SNAPC4: variants seen among roughly 807,000 people sequenced by gnomAD.
SNAPC4 encodes small nuclear RNA activating complex polypeptide 4, also known as snRNA-activating protein complex subunit 4.
Under a neutral mutation model 151.3 loss-of-function variants are expected in SNAPC4, and 127 were observed. That is an observed-to-expected ratio of 0.84 (90% CI 0.73 to 0.97). The LOEUF (loss-of-function observed/expected upper bound fraction) is 0.97. Among genes scored for constraint, SNAPC4 ranks in the 50% least tolerant of loss-of-function variants. The probability of loss-of-function intolerance (pLI) is 0.00; values close to 1 mark genes in which losing one functional copy is unlikely to be tolerated. For missense variants in SNAPC4, 2,186 were observed against 1,935.0 expected, an observed-to-expected ratio of 1.13 and a Z score of -2.43; for synonymous variants, 1,002 against 824.4, an observed-to-expected ratio of 1.22 and a Z score of -3.69.
intron 10 of SNAPC4, 104 bp downstream of exon 10, chr9:136,391,838 G>T: frequency 8.0e-7 from 1 of 1,250,418 alleles, no homozygotes; most frequent in East Asian, 2.4e-5. Flanking sequence ...GAAACCTGGC[G>T]GTGAGTGAGC....
intron 5 of SNAPC4, 98 bp from the exon 6 acceptor site, chr9:136,394,976 C>G: frequency 9.2e-7 from 1 of 1,081,718 alleles, no homozygotes; most frequent in South Asian, 1.5e-5. Flanking sequence ...TCGGGCTCCC[C>G]CTGCCTCCTG....
At chr9:136,385,164 A>G (rs1419786754) in intron 13 of SNAPC4, among the ~76,000 whole-genome samples, 1 of 152,238 alleles carries the variant, frequency 6.6e-6, no homozygotes, top group African/African-American at 2.4e-5. Flanking sequence ...ACCTATTTCT[A>G]TGAACAGTCA....
In SNAPC4 at chr9:136,383,714, C is replaced by T. The variant is rs757096336; in HGVS notation, c.1501-46G>A. 1.9e-6 allele frequency: 3 copies of T among 1,564,064 alleles called. No individual in the cohort carries two copies. The South Asian group carries it at 3.6e-5, about 19-fold the overall frequency. On this transcript the variant is annotated intron_variant, in intron 15 of 23. Coordinates refer to ENST00000684778, the MANE Select transcript of SNAPC4 (RefSeq NM_003086.4). This position sits in a 1 kb window ranked among gnomAD's most constrained non-coding sequence, Gnocchi z 4.2. ...CTTAGAGGCCTTGGCAAGCCCGGTT[C>T]ACCCATGATGGCAGCAAGCAGGCCA...
At chr9:136,388,402 C>A in intron 11 of SNAPC4, 42 bp downstream of exon 11, 1 of 1,598,550 alleles carries the variant, frequency 6.3e-7, no homozygotes. Flanking sequence ...TGATATGGGG[C>A]CCTGTGACAG....
chr9:136,376,415 G>A lies in SNAPC4; in HGVS notation c.4351C>T (p.Leu1451=), dbSNP rs1349440933. Residue 1451 remains leucine (L), a synonymous_variant, in exon 23 of 24, where the codon CTG becomes TTG. Transcript: ENST00000684778. The part of the protein sequence containing the change: ...CLDTSNDPDD[L]DVLRTRHARH... ...GCATGCCGGGTTCTGAGCACGTCCA[G>A]GTCGTCAGGGTCATTAGAAGTATCC... The A allele has an allele frequency of 5.0e-6, 8 of 1,613,386 alleles. No individual in the cohort carries two copies. Among genetic ancestry groups the A allele is most frequent in the African/African-American group, 4.0e-5 (3 of 74,946 alleles).
intron 23 of SNAPC4, 94 bp downstream of exon 23, chr9:136,376,255 C>T: frequency 6.8e-7 from 1 of 1,478,542 alleles, no homozygotes; most frequent in South Asian, 1.2e-5. Flanking sequence ...GCTGTGAGCG[C>T]CAAAGAGCCG....
In SNAPC4 at chr9:136,383,894, AC is replaced by A; in HGVS notation, c.1500+58del. On this transcript the variant is annotated intron_variant, in intron 15 of 23. Coordinates refer to ENST00000684778, the MANE Select transcript of SNAPC4 (RefSeq NM_003086.4). This position sits in a 1 kb window ranked among gnomAD's most constrained non-coding sequence, Gnocchi z 4.2. The stretch of plus-strand genomic sequence containing the variant: ...CCCCTCCCCTCCTCCTGCCTGCTGG[AC>A]CCCCCAGTTGACCAGGCCATTGTCT... The A allele has an allele frequency of 9.7e-6, 12 of 1,233,046 alleles. No homozygotes were observed. The highest frequency in any genetic ancestry group is 2.5e-5 in the East Asian group (1 of 39,282). 76.4% of individuals were successfully genotyped at this position (1,233,046 alleles called of 1,614,324 possible).
At chr9:136,387,022 G>C (rs1197861271) in intron 13 of SNAPC4, among the ~76,000 whole-genome samples, 2 of 152,248 alleles carry the variant, frequency 1.3e-5, no homozygotes, top group African/African-American at 4.8e-5. Context: ...TGGGATTACA[G>C]GCGTGAGCCA....
Position 136,395,726 on chromosome 9 carries a change from G to A in SNAPC4, c.222C>T (p.Pro74=), listed in dbSNP as rs1481521406. The A allele has an allele frequency of 1.2e-6, 2 of 1,613,576 alleles. No individual in the cohort carries two copies. The highest frequency in any genetic ancestry group is 2.2e-5 in the East Asian group (1 of 44,892). ...GGTCTTCAGGGAGGGTTTTATCCTT[G>A]GGATCGTCCTCGTCATTGCTGGCTT... ...WGEASNDEDD[P]KDKTLPEDPE... is the part of the protein sequence containing the mutation. The change falls in exon 4 of 24, where the codon CCC becomes CCT. Residue 74 remains proline (P), a synonymous_variant. Coordinates refer to ENST00000684778, the MANE Select transcript of SNAPC4 (RefSeq NM_003086.4).
Position 136,394,303 on chromosome 9 carries a change from C to T in SNAPC4, c.578G>A (p.Arg193Gln), listed in dbSNP as rs760277670. 2.8e-5 allele frequency: 45 copies of T among 1,613,804 alleles called. No homozygotes were observed. The highest frequency in any genetic ancestry group is 1.1e-4 in the South Asian group (10 of 91,088). Residue 193 changes from arginine to glutamine, a missense_variant, in exon 7 of 24, where the codon CGA (arginine) becomes CAA (glutamine). Arg to Gln is a conservative substitution (Grantham distance 43, BLOSUM62 1). Transcript: ENST00000684778. Reference protein sequence around the residue: ...KWKNWEKALLRKSVVSDRLQR... With the variant: ...KWKNWEKALLQKSVVSDRLQR... ...CAGGCGGTCACTCACCACTGACTTTCGGAGCAAGGCCTTTTCCCAGTTTTT... is the reference window on the plus strand; with the variant it reads ...CAGGCGGTCACTCACCACTGACTTTTGGAGCAAGGCCTTTTCCCAGTTTTT...
At position 136,384,798 on chromosome 9, in the gene SNAPC4, G is replaced by A. The variant is rs766088092; in HGVS notation, c.1342C>T (p.His448Tyr). ...QCRDRYLRRL[H>Y]FSLKKGRWNL... The stretch of plus-strand genomic sequence containing the variant: ...CACCGACCCTTTTTCAAGCTGAAAT[G>A]TAATCTCCTGAGATACCTGAACGTG... Residue 448 changes from histidine (H) to tyrosine (Y), a missense_variant, in exon 14 of 24, where the codon CAT becomes TAT. Transcript: ENST00000684778. 2.5e-6 allele frequency: 4 copies of A among 1,589,054 alleles called. No individual in the cohort carries two copies. The highest frequency in any genetic ancestry group is 1.1e-5 in the South Asian group (1 of 87,612).
intron 7 of SNAPC4, among the ~76,000 whole-genome samples, chr9:136,393,760 T>C (rs887300730): frequency 6.6e-6 from 1 of 152,188 alleles, no homozygotes; most frequent in Non-Finnish European, 1.5e-5. Flanking sequence ...CGCCCGGCCA[T>C]GGGGAAGCCC....
chr9:136,388,061 A>T (rs1449911553), intron 11 of SNAPC4, among the ~76,000 whole-genome samples: 4 of 152,190 alleles, frequency 2.6e-5, no homozygotes, highest in African/African-American at 9.7e-5. Context: ...TAAGGTCAGG[A>T]GTTCGAGACC....
Position 136,396,103 on chromosome 9 carries a change from C to T in SNAPC4, c.178-333G>A, listed in dbSNP as rs2131516855. Among the ~76,000 whole-genome samples the T allele has an allele frequency of 1.3e-5, 2 of 152,362 alleles. 1 individual carries two copies. Among genetic ancestry groups the T allele is most frequent in the African/African-American group, 4.8e-5 (2 of 41,590 alleles). ...CGTCCTGTGAACCCTGAACTCTGTC[C>T]TGAGCCCCTGTCGTGTGCATCACCA... On this transcript the variant is annotated intron_variant, in intron 3 of 23. Transcript: ENST00000684778.
At position 136,381,714 on chromosome 9, in the gene SNAPC4, CT is replaced by C. The variant is rs1588744421; in HGVS notation, c.2317+109del. 8 of 1,384,236 alleles carry C rather than the reference CT, an allele frequency of 5.8e-6. No individual in the cohort carries two copies. In the South Asian group the frequency reaches 6.8e-5, roughly 12 times the overall value. The allele number at this position is 1,384,236 out of a possible 1,614,324, so 85.7% of individuals were successfully genotyped here. A position where few individuals can be genotyped will look rare whatever the true frequency, so the allele number is the denominator to read the frequency against. On this transcript the variant is annotated intron_variant, in intron 18 of 23. Coordinates refer to ENST00000684778, the MANE Select transcript of SNAPC4 (RefSeq NM_003086.4). Reference sequence around the variant, plus strand: ...AGAGGTGGCGCCCACCCCAAAAAGACTCCCCTGCTGAGGCCACTTCCCCAAG... The same window carrying C: ...AGAGGTGGCGCCCACCCCAAAAAGACCCCCTGCTGAGGCCACTTCCCCAAG...
At position 136,392,062 on chromosome 9, in the gene SNAPC4, C is replaced by T; in HGVS notation, c.855G>A (p.Gln285=). Residue 285 remains glutamine (Q), a synonymous_variant, in exon 10 of 24, where the codon CAG becomes CAA. Transcript: ENST00000684778. ...RSAEEIRKFW[Q]NSEHPSINKQ... is the part of the protein sequence containing the mutation. ...TGTTGATGCTGGGGTGCTCCGAGTT[C>T]TGCCAGAACTTCCGGATCTCCTCTG... 1 of 1,612,676 alleles carries T rather than the reference C, an allele frequency of 6.2e-7. No individual in the cohort carries two copies. Among genetic ancestry groups the T allele is most frequent in the Non-Finnish European group, 8.5e-7 (1 of 1,179,998 alleles).
Position 136,384,744 on chromosome 9 carries a change from C to T in SNAPC4, c.1396G>A (p.Glu466Lys). The change falls in exon 14 of 24, where the codon GAA (glutamate) becomes AAA (lysine). Residue 466 changes from glutamate (E) to lysine (K), a missense_variant. Physicochemically the swap from Glu to Lys is moderately conservative, Grantham distance 56 (BLOSUM62 1). Transcript: ENST00000684778. Reference protein sequence around the residue: ...WNLKEEEQLIELIEKYGVGHW... With the variant: ...WNLKEEEQLIKLIEKYGVGHW... ...CCGACACCATATTTTTCTATTAATT[C>T]AATTAACTGTTCCTCTTCTTTTAAA... The T allele has an allele frequency of 6.4e-7, 1 of 1,563,098 alleles. No individual in the cohort carries two copies. The highest frequency in any genetic ancestry group is 1.2e-5 in the South Asian group (1 of 86,698).
chr9:136,386,146 C>CT (rs34717778), intron 13 of SNAPC4, among the ~76,000 whole-genome samples: 60,921 of 145,250 alleles, frequency 0.42, 12,535 homozygotes, highest in Admixed American at 0.51. Context: ...AACACGGTGA[C>CT]TTTTTTTTTT....
chr9:136,377,441 C>A (rs1288253929), intron 22 of SNAPC4, 102 bp downstream of exon 22: 8 of 1,386,378 alleles, frequency 5.8e-6, no homozygotes, highest in Non-Finnish European at 7.6e-6. Flanking sequence ...AGCCTTCCTG[C>A]CCGCAACTTC....
Sources: gnomAD v4.1 joint callset for allele counts (sites outside exome capture counted in the v4.1 genomes callset) on GRCh38, gnomAD v4.1.1 for gene constraint, Gnocchi (gnomAD v3.1) non-coding constraint, MANE v1.5 for transcripts, NCBI Gene and HGNC (gene_info 2026-07-23, HGNC 2026-07-21) for gene names.